The following HNF4A variants were observed in gnomAD, a reference collection of about 807,000 sequenced individuals.
HNF4A encodes the protein hepatocyte nuclear factor 4 alpha.
HNF4A carries 15 observed loss-of-function variants against 52.4 expected under a neutral mutation model. The ratio of observed to expected loss-of-function variants is 0.29; its 90% CI spans 0.19 to 0.44. The LOEUF (loss-of-function observed/expected upper bound fraction) is 0.44. Among genes scored for constraint, HNF4A ranks in the 20% least tolerant of loss-of-function variants. The pLI, the probability that HNF4A is intolerant of heterozygous loss-of-function variation, is 1.00. For synonymous variants in HNF4A, 280 were observed against 264.4 expected (o/e 1.06, Z -0.57); for missense variants, 479 against 647.2 (o/e 0.74, Z 2.82).
Position 44,428,455 on chromosome 20 carries a change from T to A in HNF4A, c.1250T>A (p.Met417Lys). ...CCCACTCACCTCAGCAACGGACAGA[T>A]GTGTGAGTGGCCCCGACCCAGGGGA... The change falls in exon 9 of 10, where the codon ATG (methionine) becomes AAG (lysine). Residue 417 changes from methionine (M) to lysine (K), a missense_variant. Coordinates refer to ENST00000316099, the MANE Select transcript of HNF4A (RefSeq NM_000457.6). 1 of 1,614,102 alleles carries A rather than the reference T, an allele frequency of 6.2e-7. No individual in the cohort carries two copies. Among genetic ancestry groups the A allele is most frequent in the Non-Finnish European group, 8.5e-7 (1 of 1,180,018 alleles).
intron 3 of HNF4A, among the ~76,000 whole-genome samples, chr20:44,411,554 G>A (rs1018248828): frequency 8.5e-5 from 13 of 152,144 alleles, no homozygotes; most frequent in Non-Finnish European, 1.3e-4. Flanking sequence ...TGGACGGCCC[G>A]GTCAGGGAAG....
intron 4 of HNF4A, among the ~76,000 whole-genome samples, chr20:44,414,130 C>G (rs1029380605): frequency 6.6e-6 from 1 of 152,216 alleles, no homozygotes; most frequent in Non-Finnish European, 1.5e-5. Context: ...CAAAGTGGGG[C>G]CCAGCCCTTC....
chr20:44,424,291 G>C (rs761879980), intron 8 of HNF4A, 37 bp downstream of exon 8: 17 of 1,610,264 alleles, frequency 1.1e-5, no homozygotes, highest in Non-Finnish European at 1.4e-5. Flanking sequence ...GGTTGGAGTG[G>C]GGACTCCCCA....
exon 1 of HNF4A, chr20:44,355,811 A>G (rs779464983): frequency 6.2e-7 from 1 of 1,613,710 alleles, no homozygotes. Context: ...GGCCATGGTC[A>G]GCGTGAACGC....
In HNF4A at chr20:44,419,148, G is replaced by A. The variant is rs187032008; in HGVS notation, c.737-573G>A. Among the ~76,000 whole-genome samples, 204 of 152,290 alleles carry A rather than the reference G, an allele frequency of 1.3e-3. 1 individual carries two copies. The highest frequency in any genetic ancestry group is 2.4e-3 in the Non-Finnish European group (166 of 68,018). On this transcript the variant is annotated intron_variant, in intron 6 of 9. Transcript: ENST00000316099. ...TAAGAATGGCACAAAGCCCCAGCCC[G>A]CGTCACCTGTGCCTTCATGGCATAG...
intron 1 of HNF4A, among the ~76,000 whole-genome samples, chr20:44,369,344 C>T (rs1015405137): frequency 6.8e-6 from 1 of 146,382 alleles, no homozygotes; most frequent in African/African-American, 2.5e-5. Context: ...GTGGGGGGAT[C>T]GTTTGAACCC....
chr20:44,421,735 CAA>C (rs2063747285), intron 7 of HNF4A, among the ~76,000 whole-genome samples: 1 of 148,700 alleles, frequency 6.7e-6, no homozygotes, highest in Admixed American at 6.8e-5. Context: ...GCCTGGGCAA[CAA>C]GAGCAAAACT....
At chr20:44,422,842 T>A (rs2063765214) in intron 7 of HNF4A, among the ~76,000 whole-genome samples, 1 of 151,594 alleles carries the variant, frequency 6.6e-6, no homozygotes, top group Non-Finnish European at 1.5e-5. Context: ...CCACGCCAGG[T>A]GAATTTTTGT....
chr20:44,383,838 G>A (rs921486424), intron 1 of HNF4A, among the ~76,000 whole-genome samples: 3 of 148,392 alleles, frequency 2.0e-5, no homozygotes, highest in Admixed American at 7.0e-5. Context: ...ACAGGCATGA[G>A]CCACCGCACC....
rs5841553 is a variant in HNF4A at position 44,382,245 on chromosome 20, C to CTT, written c.50-23802_50-23801dup. Reference sequence around the variant, plus strand: ...CATAGCTTTCTTTCTTTCTTTCTTTCTTTTTTTTTTTTGAGACGAACTCTC... The same window carrying CTT: ...CATAGCTTTCTTTCTTTCTTTCTTTCTTTTTTTTTTTTTTGAGACGAACTCTC... On this transcript the variant is annotated intron_variant, in intron 1 of 9. Transcript: ENST00000316673. 1.2e-3 allele frequency among the ~76,000 whole-genome samples: 170 copies of CTT among 145,848 alleles called. 3 individuals are homozygous for CTT. The highest frequency in any genetic ancestry group is 3.5e-3 in the Middle Eastern group (1 of 288).
chr20:44,386,393 C>T (rs1435219153), intron 1 of HNF4A, among the ~76,000 whole-genome samples: 1 of 151,962 alleles, frequency 6.6e-6, no homozygotes, highest in Non-Finnish European at 1.5e-5. Context: ...TCTCGAACTC[C>T]TGAACTCAAG....
At chr20:44,396,526 C>G (rs1218036362), upstream of HNF4A, among the ~76,000 whole-genome samples, 1 of 152,076 alleles carries the variant, frequency 6.6e-6, no homozygotes, top group African/African-American at 2.4e-5. Flanking sequence ...GAATCTGCTG[C>G]CTCTTGAGCT....
intron 1 of HNF4A, among the ~76,000 whole-genome samples, chr20:44,380,539 C>T (rs940643265): frequency 2.0e-5 from 3 of 152,224 alleles, no homozygotes; most frequent in Admixed American, 2.0e-4. Flanking sequence ...AGCAATCCTC[C>T]TGCCTCTGCC....
intron 1 of HNF4A, among the ~76,000 whole-genome samples, chr20:44,389,109 T>G (rs1205082946): frequency 1.3e-5 from 2 of 152,194 alleles, no homozygotes; most frequent in South Asian, 4.1e-4. Flanking sequence ...TTTAAGATCC[T>G]CAAAGAACTT....
intron 1 of HNF4A, among the ~76,000 whole-genome samples, chr20:44,403,813 T>C (rs556196573): frequency 2.0e-5 from 3 of 152,246 alleles, no homozygotes; most frequent in East Asian, 3.9e-4. Context: ...ATCTGTGGAA[T>C]AGAGGTGCTC....
chr20:44,380,547 G>A (rs1415135082), intron 1 of HNF4A, among the ~76,000 whole-genome samples: 1 of 152,178 alleles, frequency 6.6e-6, no homozygotes, highest in Non-Finnish European at 1.5e-5. Context: ...TCCTGCCTCT[G>A]CCTCACAAAG....
rs559581990 is a variant in HNF4A at position 44,386,400 on chromosome 20, C to T, written c.50-19658C>T. On this transcript the variant is annotated intron_variant, in intron 1 of 9. Transcript: ENST00000316673. Reference sequence around the variant, plus strand: ...CAGGCTGGTCTCGAACTCCTGAACTCAAGTGGTCCACCTGCCTCAGCCTCC... The same window carrying T: ...CAGGCTGGTCTCGAACTCCTGAACTTAAGTGGTCCACCTGCCTCAGCCTCC... Among the ~76,000 whole-genome samples, 13 of 152,140 alleles carry T rather than the reference C, an allele frequency of 8.5e-5. No individual in the cohort carries two copies. In the East Asian group the frequency reaches 2.3e-3, roughly 27 times the overall value.
intron 5 of HNF4A, among the ~76,000 whole-genome samples, chr20:44,417,787 T>C (rs2063685774): frequency 6.6e-6 from 1 of 151,706 alleles, no homozygotes; most frequent in African/African-American, 2.4e-5. Flanking sequence ...AGCCTGGCAA[T>C]ATGGTGAAAC....
chr20:44,406,584 G>T (rs2063503982), intron 2 of HNF4A, among the ~76,000 whole-genome samples: 1 of 152,204 alleles, frequency 6.6e-6, no homozygotes, highest in Admixed American at 6.5e-5. Flanking sequence ...CCAGTCTGGT[G>T]CTGTTTTTGG....
Sources: allele counts gnomAD v4.1 joint callset (sites outside exome capture counted in the v4.1 genomes callset), GRCh38; gene constraint gnomAD v4.1.1; transcripts MANE v1.5; gene names NCBI Gene and HGNC (gene_info 2026-07-23, HGNC 2026-07-21).